HYDIN: variants seen among roughly 807,000 people sequenced by gnomAD.
The protein encoded by HYDIN is axonemal central pair apparatus protein HYDIN.
Under a neutral mutation model 403.9 loss-of-function variants are expected in HYDIN, and 132 were observed. The ratio of observed to expected loss-of-function variants is 0.33; its 90% CI spans 0.28 to 0.38. HYDIN has a LOEUF of 0.38. HYDIN is among the 10% of genes least tolerant of loss of function. The pLI is 1.00. For missense variants in HYDIN, 2,827 were observed against 5,009.5 expected (o/e 0.56, Z 13.15); for synonymous variants, 1,202 against 1,891.7 (o/e 0.64, Z 9.46).
chr16:71,094,081 C>T (rs2083199403), intron 10 of HYDIN, 146 bp from the exon 11 acceptor site: 8 of 690,962 alleles, frequency 1.2e-5, no homozygotes, highest in Non-Finnish European at 1.8e-5. Context: ...TTAACTAACG[C>T]TGAAGATTCA....
chr16:71,007,635 C>A (rs1280281720), intron 23 of HYDIN, among the ~76,000 whole-genome samples: 1 of 137,192 alleles, frequency 7.3e-6, no homozygotes, highest in African/African-American at 3.1e-5. Flanking sequence ...GTCAGAATGG[C>A]GATTATTGAA....
intron 75 of HYDIN, among the ~76,000 whole-genome samples, chr16:70,843,310 G>A (rs946294371): frequency 1.4e-5 from 2 of 143,698 alleles, no homozygotes; most frequent in Non-Finnish European, 3.0e-5. Flanking sequence ...TTTTGTTCTT[G>A]CGATAGTTTA....
At position 70,962,628 on chromosome 16, in the gene HYDIN, G is replaced by C. The variant is rs2078452975; in HGVS notation, c.5789-490C>G. ...GACCATTTCCTGTGTCATTGTTAGG[G>C]ACAGCTATCCTTTCGTTGGCCCAAC... On this transcript the variant is annotated intron_variant, in intron 37 of 85. Transcript: ENST00000393567. Among the ~76,000 whole-genome samples the C allele has an allele frequency of 4.0e-5, 6 of 150,456 alleles. No individual in the cohort carries two copies. In the South Asian group the frequency reaches 1.3e-3, roughly 32 times the overall value.
Position 70,807,442 on chromosome 16 carries a change from A to G in HYDIN, c.*138T>C. 1 of 924,326 alleles carries G rather than the reference A, an allele frequency of 1.1e-6. No individual in the cohort carries two copies. Among genetic ancestry groups the G allele is most frequent in the Non-Finnish European group, 1.6e-6 (1 of 618,208 alleles). The allele number at this position is 924,326 out of a possible 1,614,324, so 57.3% of individuals were successfully genotyped here. A position where few individuals can be genotyped will look rare whatever the true frequency, so the allele number is the denominator to read the frequency against. On this transcript the variant is annotated 3_prime_UTR_variant, in exon 86 of 86. Coordinates refer to ENST00000393567, the MANE Select transcript of HYDIN (RefSeq NM_001270974.2). ...TTTCATATCTATATTTGGAAAACACATAATAGGGAAATAACTGCCCTATAA... is the reference window on the plus strand; with the variant it reads ...TTTCATATCTATATTTGGAAAACACGTAATAGGGAAATAACTGCCCTATAA...
chr16:71,213,423 T>A (rs1402951121), intron 1 of HYDIN, among the ~76,000 whole-genome samples: 1 of 152,182 alleles, frequency 6.6e-6, no homozygotes, highest in Non-Finnish European at 1.5e-5. Context: ...TAAAGAGTTC[T>A]GAGATCTCTC....
chr16:70,930,333 T>C (rs2077280222), intron 45 of HYDIN, among the ~76,000 whole-genome samples: 1 of 152,090 alleles, frequency 6.6e-6, no homozygotes, highest in African/African-American at 2.4e-5. Context: ...ATACAAAAAT[T>C]AGCCGGGCAT....
chr16:70,847,556 A>G (rs886707010), intron 75 of HYDIN, among the ~76,000 whole-genome samples: 5 of 151,990 alleles, frequency 3.3e-5, no homozygotes, highest in Non-Finnish European at 7.4e-5. Context: ...GTTCCCCAAA[A>G]TCGGCAGAAT....
At chr16:70,944,233 G>A (rs79569872) in intron 41 of HYDIN, among the ~76,000 whole-genome samples, 737 of 152,296 alleles carry the variant, frequency 4.8e-3, no homozygotes, top group African/African-American at 0.015. Flanking sequence ...CACCAGGCAT[G>A]CTTAGGTACT....
intron 1 of HYDIN, among the ~76,000 whole-genome samples, chr16:71,216,467 G>T (rs952671846): frequency 2.0e-5 from 3 of 152,174 alleles, no homozygotes; most frequent in African/African-American, 7.2e-5. Context: ...ACCCAAGAAT[G>T]ACTGTAAAGG....
At chr16:71,024,129 G>C (rs2144134588) in intron 21 of HYDIN, among the ~76,000 whole-genome samples, 1 of 152,326 alleles carries the variant, frequency 6.6e-6, no homozygotes, top group South Asian at 2.1e-4. Context: ...CAGCATGATG[G>C]TTTCAGTGAA....
chr16:70,819,913 T>C (rs2036120909), intron 83 of HYDIN, among the ~76,000 whole-genome samples: 1 of 151,050 alleles, frequency 6.6e-6, no homozygotes, highest in Admixed American at 6.6e-5. Flanking sequence ...GTTCACGCCA[T>C]TCTCCTGCCT....
At chr16:70,996,798 C>A in intron 23 of HYDIN, among the ~76,000 whole-genome samples, 1 of 150,148 alleles carries the variant, frequency 6.7e-6, no homozygotes. Flanking sequence ...CAGCGGTCCC[C>A]AACCTTTTTG....
intron 59 of HYDIN, 38 bp downstream of exon 59, chr16:70,883,882 C>A: frequency 6.6e-7 from 1 of 1,513,324 alleles, no homozygotes; most frequent in Middle Eastern, 1.8e-4. Flanking sequence ...CAGATGAACA[C>A]CTTTTAAGTG....
intron 41 of HYDIN, among the ~76,000 whole-genome samples, chr16:70,947,801 T>A (rs867661923): frequency 0.045 from 6,781 of 151,704 alleles, 511 homozygotes; most frequent in African/African-American, 0.15. Flanking sequence ...TCAAGGAAAT[T>A]AAAGAGGATA....
chr16:70,979,654 G>A (rs1323382217), intron 29 of HYDIN, among the ~76,000 whole-genome samples: 1 of 152,194 alleles, frequency 6.6e-6, no homozygotes, highest in Non-Finnish European at 1.5e-5. Flanking sequence ...CTATAGGCCA[G>A]GTGTGGTGGC....
At chr16:71,175,503 CCA>C in intron 5 of HYDIN, 102 bp downstream of exon 5, 1 of 1,172,594 alleles carries the variant, frequency 8.5e-7, no homozygotes, top group Non-Finnish European at 1.2e-6. Flanking sequence ...AATACCACCA[CCA>C]CCACCACCAC....
At chr16:71,227,097 C>T (rs1338851493) in intron 1 of HYDIN, among the ~76,000 whole-genome samples, 42 of 151,602 alleles carry the variant, frequency 2.8e-4, no homozygotes, top group Non-Finnish European at 5.9e-5. Flanking sequence ...AAATTATTCG[C>T]AAATTAAATA....
chr16:71,024,300 T>C, intron 21 of HYDIN, among the ~76,000 whole-genome samples: 1 of 152,206 alleles, frequency 6.6e-6, no homozygotes. Flanking sequence ...ACTCGAGCCC[T>C]TCATGTGAGC....
chr16:71,193,585 T>C (rs775253836), intron 1 of HYDIN, among the ~76,000 whole-genome samples: 7 of 152,172 alleles, frequency 4.6e-5, no homozygotes, highest in African/African-American at 7.2e-5. Flanking sequence ...TCCTTTTCTG[T>C]AGGGAATTGA....
Sources: allele counts gnomAD v4.1 joint callset (sites outside exome capture counted in the v4.1 genomes callset), GRCh38; gene constraint gnomAD v4.1.1; transcripts MANE v1.5; gene names NCBI Gene and HGNC (gene_info 2026-07-23, HGNC 2026-07-21).